The following FBXO5 variants were observed in gnomAD, a reference collection of about 807,000 sequenced individuals.
FBXO5 encodes F-box protein 5, also known as F-box only protein 5.
A neutral mutation model predicts 43.3 loss-of-function variants in FBXO5; 8 were observed. The observed-to-expected ratio is 0.18, with a 90% CI of 0.11 to 0.33. The LOEUF (loss-of-function observed/expected upper bound fraction) is 0.33. Ranked by LOEUF, FBXO5 falls within the 10% of genes least tolerant of loss-of-function variation. The pLI, the probability that FBXO5 is intolerant of heterozygous loss-of-function variation, is 1.00. For synonymous variants in FBXO5, 204 were observed against 193.7 expected (o/e 1.05, Z -0.44); for missense variants, 491 against 535.7 (o/e 0.92, Z 0.82).
At chr6:152,977,216 A>T (rs1317041415) in intron 1 of FBXO5, among the ~76,000 whole-genome samples, 1 of 152,056 alleles carries the variant, frequency 6.6e-6, no homozygotes, top group African/African-American at 2.4e-5. Context: ...AGAAAGCCTG[A>T]ATCTTAAATG....
chr6:152,983,312 T>C (rs564354160), upstream of FBXO5: 14 of 232,586 alleles, frequency 6.0e-5, no homozygotes, highest in East Asian at 1.8e-4. Flanking sequence ...CGGCCACACG[T>C]GTGGAGGGTC....
chr6:152,981,309 G>C (rs1481318200), intron 1 of FBXO5, among the ~76,000 whole-genome samples: 1 of 152,116 alleles, frequency 6.6e-6, no homozygotes, highest in Admixed American at 6.5e-5. Flanking sequence ...TTTCAATATA[G>C]ACCTGATCCT....
chr6:152,971,196 T>C lies in FBXO5; in HGVS notation c.1311A>G (p.Thr437=). Residue 437 remains threonine, a synonymous_variant, in exon 5 of 5, where the codon ACA becomes ACG. Coordinates refer to ENST00000229758, the MANE Select transcript of FBXO5 (RefSeq NM_012177.5). ...TTCGTAAATTCTTTTTGCTTTTCTT[T>C]GTACCAGGCAGGGGACCTATTTTAC... The part of the protein sequence containing the change: ...ASCKIGPLPG[T]KKSKKNLRRL The C allele has an allele frequency of 6.2e-7, 1 of 1,611,624 alleles. No individual in the cohort carries two copies. Among genetic ancestry groups the C allele is most frequent in the African/African-American group, 1.3e-5 (1 of 74,910 alleles).
At chr6:152,974,364 A>G (rs568542299) in intron 2 of FBXO5, among the ~76,000 whole-genome samples, 1 of 152,330 alleles carries the variant, frequency 6.6e-6, no homozygotes, top group African/African-American at 2.4e-5. Context: ...AGACATGTAG[A>G]CTGGAACTAG....
At chr6:152,971,829 G>A (rs181777458) in intron 4 of FBXO5, among the ~76,000 whole-genome samples, 2 of 152,208 alleles carry the variant, frequency 1.3e-5, no homozygotes, top group Non-Finnish European at 2.9e-5. Context: ...AGTTCAGAAA[G>A]CTTGCCTTTT....
chr6:152,980,232 CA>C (rs562116045), intron 1 of FBXO5, among the ~76,000 whole-genome samples: 3 of 152,140 alleles, frequency 2.0e-5, no homozygotes, highest in Non-Finnish European at 4.4e-5. Context: ...GCTAAGAGTT[CA>C]GTTGAACCAT....
At chr6:152,971,482 C>A in intron 4 of FBXO5, 68 bp from the exon 5 acceptor site, 1 of 1,485,464 alleles carries the variant, frequency 6.7e-7, no homozygotes, top group Non-Finnish European at 9.0e-7. Context: ...TTAATAAAAC[C>A]AAGGACACCC....
chr6:152,982,896 TG>T lies in FBXO5; in HGVS notation c.63del (p.Ser22AlafsTer3). On this transcript the variant is annotated frameshift_variant, in exon 1 of 5. Coordinates refer to ENST00000229758, the MANE Select transcript of FBXO5 (RefSeq NM_012177.5). LOFTEE classifies it high-confidence loss of function. ...RPPRCSCSAS[P>X]SAVTAAGRPR... ...GGGCGCCCGGCGGCTGTCACTGCGCTGGGGCTGGCGCTGCAGGAGCAGCGGG... is the reference window on the plus strand; with the variant it reads ...GGGCGCCCGGCGGCTGTCACTGCGCTGGGCTGGCGCTGCAGGAGCAGCGGG... 2.0e-6 allele frequency: 3 copies of T among 1,508,514 alleles called. No homozygotes were observed. Among genetic ancestry groups the T allele is most frequent in the Non-Finnish European group, 1.8e-6 (2 of 1,135,628 alleles). 93.4% of individuals were successfully genotyped at this position (1,508,514 alleles called of 1,614,324 possible). A position where few individuals can be genotyped will look rare whatever the true frequency, so the allele number is the denominator to read the frequency against.
At chr6:152,972,928 A>T in intron 3 of FBXO5, 118 bp downstream of exon 3, 1 of 624,930 alleles carries the variant, frequency 1.6e-6, no homozygotes, top group Non-Finnish European at 2.7e-6. Context: ...TTCCAGTATA[A>T]GGCTGAAATA....
intron 2 of FBXO5, among the ~76,000 whole-genome samples, chr6:152,974,562 G>T (rs1034348652): frequency 2.0e-5 from 3 of 152,176 alleles, no homozygotes; most frequent in African/African-American, 7.2e-5. Context: ...CAAAACACCA[G>T]CAAGTCATTA....
At chr6:152,974,775 TTC>T in intron 2 of FBXO5, 130 bp downstream of exon 2, 1 of 700,902 alleles carries the variant, frequency 1.4e-6, no homozygotes, top group Non-Finnish European at 2.3e-6. Flanking sequence ...TCTGAAATCC[TTC>T]TGGTACTAAG....
At chr6:152,980,353 G>A (rs1016931620) in intron 1 of FBXO5, among the ~76,000 whole-genome samples, 1 of 152,170 alleles carries the variant, frequency 6.6e-6, no homozygotes, top group African/African-American at 2.4e-5. Context: ...AACACCTTAT[G>A]GAAATCTGGT....
rs534671712 is a variant in FBXO5, at chr6:152,972,549, A to G, written c.910-95T>C. ...TTTGTACATATAAGAAATGACAAAC[A>G]AGATTAGGTAAGAGACTTATCCCTA... On this transcript the variant is annotated intron_variant, in intron 3 of 4. Transcript: ENST00000229758. 1,615 of 883,250 alleles carry G rather than the reference A, an allele frequency of 1.8e-3. 2 individuals are homozygous for G. The highest frequency in any genetic ancestry group is 2.3e-3 in the Non-Finnish European group (1,401 of 600,782). 54.7% of individuals were successfully genotyped at this position (883,250 alleles called of 1,614,324 possible).
chr6:152,978,633 A>C (rs1778212366), intron 1 of FBXO5, among the ~76,000 whole-genome samples: 1 of 152,168 alleles, frequency 6.6e-6, no homozygotes, highest in African/African-American at 2.4e-5. Context: ...TTAGCACTTA[A>C]GGAGTTAAAA....
intron 1 of FBXO5, among the ~76,000 whole-genome samples, chr6:152,976,069 C>A (rs1778165009): frequency 6.6e-6 from 1 of 152,124 alleles, no homozygotes; most frequent in Non-Finnish European, 1.5e-5. Context: ...AGTGTTTATT[C>A]CTTGGACTTG....
rs117816658 is a variant in FBXO5, at chr6:152,976,717, C to T, written c.104-1096G>A. On this transcript the variant is annotated intron_variant, in intron 1 of 4. Transcript: ENST00000229758. ...AATAGAAAAAAGGGAAAGACTTGTT[C>T]AGGGTTTTATTACCACCCTGCTCCA... Among the ~76,000 whole-genome samples, 228 of 152,294 alleles carry T rather than the reference C, an allele frequency of 1.5e-3. 1 individual carries two copies. Among genetic ancestry groups the T allele is most frequent in the East Asian group, 0.014 (71 of 5,174 alleles).
Position 152,978,899 on chromosome 6 carries a change from G to A in FBXO5, c.104-3278C>T, listed in dbSNP as rs967768380. On this transcript the variant is annotated intron_variant, in intron 1 of 4. Transcript: ENST00000229758. ...CCAACTACTAGGGAGGCTGAGGCGG[G>A]AGAATTGCTTGAGCCCGGGAGGTTG... Among the ~76,000 whole-genome samples the A allele has an allele frequency of 1.5e-4, 23 of 152,000 alleles. 1 individual carries two copies. Among genetic ancestry groups the A allele is most frequent in the Non-Finnish European group, 7.4e-5 (5 of 68,012 alleles).
Position 152,982,916 on chromosome 6 carries a change from C to A in FBXO5, c.44G>T (p.Cys15Phe). The A allele has an allele frequency of 6.8e-7, 1 of 1,476,800 alleles. No homozygotes were observed. The highest frequency in any genetic ancestry group is 2.3e-5 in the Admixed American group (1 of 43,200). 91.5% of individuals were successfully genotyped at this position (1,476,800 alleles called of 1,614,324 possible). The change falls in exon 1 of 5, where the codon TGC (cysteine) becomes TTC (phenylalanine). Residue 15 changes from cysteine to phenylalanine, a missense_variant. Physicochemically the swap from Cys to Phe is radical, Grantham distance 205. Transcript: ENST00000229758. ...TGCGCTGGGGCTGGCGCTGCAGGAGCAGCGGGGTGGCCGTAGGGCGCAGCT... is the reference window on the plus strand; with the variant it reads ...TGCGCTGGGGCTGGCGCTGCAGGAGAAGCGGGGTGGCCGTAGGGCGCAGCT... ...PCSCALRPPR[C>F]SCSASPSAVT... is the part of the protein sequence containing the mutation.
intron 1 of FBXO5, among the ~76,000 whole-genome samples, chr6:152,981,540 T>C (rs1778258598): frequency 6.6e-6 from 1 of 152,036 alleles, no homozygotes; most frequent in Non-Finnish European, 1.5e-5. Context: ...TACTTGGAAG[T>C]AACATATATG....
Sources: allele counts gnomAD v4.1 joint callset (sites outside exome capture counted in the v4.1 genomes callset), GRCh38; gene constraint gnomAD v4.1.1; transcripts MANE v1.5; gene names NCBI Gene and HGNC (gene_info 2026-07-23, HGNC 2026-07-21).